MED4: variants seen among roughly 807,000 people sequenced by gnomAD.
The protein encoded by MED4 is mediator complex subunit 4.
Under a neutral mutation model 35.0 loss-of-function variants are expected in MED4, and 21 were observed. The observed-to-expected ratio is 0.60, with a 90% confidence interval of 0.43 to 0.86. The LOEUF (loss-of-function observed/expected upper bound fraction) is 0.86. MED4 is among the 40% of genes least tolerant of loss of function. The pLI, the probability that MED4 is intolerant of heterozygous loss-of-function variation, is 0.00. For synonymous variants in MED4, 138 were observed against 114.0 expected (o/e 1.21, Z -1.34); for missense variants, 300 against 319.4 (o/e 0.94, Z 0.46).
At chr13:48,092,155 T>A (rs1451277304) in intron 1 of MED4, among the ~76,000 whole-genome samples, 1 of 152,206 alleles carries the variant, frequency 6.6e-6, no homozygotes, top group Non-Finnish European at 1.5e-5. Context: ...TTGCCCAGGC[T>A]GGAGTGCAAT....
intron 1 of MED4, among the ~76,000 whole-genome samples, chr13:48,091,833 A>G (rs1950892242): frequency 6.6e-6 from 1 of 152,206 alleles, no homozygotes; most frequent in Non-Finnish European, 1.5e-5. Flanking sequence ...TGGGTTGGCT[A>G]CTTCAATAGG....
Position 48,090,423 on chromosome 13 carries a change from A to G in MED4, c.126-5T>C, listed in dbSNP as rs750992016. On this transcript the variant is annotated splice_polypyrimidine_tract_variant and splice_region_variant and intron_variant, in intron 1 of 6. Coordinates refer to ENST00000258648, the MANE Select transcript of MED4 (RefSeq NM_014166.4). ...GCCAGCATTTCTATAAGTTCCCTAA[A>G]AAAAAAAAACCAACAACAACAAAAA... 2 of 1,583,766 alleles carry G rather than the reference A, an allele frequency of 1.3e-6. No homozygotes were observed. Among genetic ancestry groups the G allele is most frequent in the African/African-American group, 1.4e-5 (1 of 72,768 alleles).
intron 1 of MED4, among the ~76,000 whole-genome samples, chr13:48,091,268 G>C (rs1950888089): frequency 6.6e-6 from 1 of 152,132 alleles, no homozygotes; most frequent in African/African-American, 2.4e-5. Context: ...CAATTTCCCT[G>C]TATGAAAATT....
intron 3 of MED4, among the ~76,000 whole-genome samples, chr13:48,085,309 T>C (rs1950841369): frequency 6.6e-6 from 1 of 151,858 alleles, no homozygotes; most frequent in Admixed American, 6.6e-5. Flanking sequence ...GTAGCTGGAA[T>C]TACAGGCACA....
In MED4 at chr13:48,079,932, A is replaced by G. The variant is rs1394778016; in HGVS notation, c.552T>C (p.Ser184=). 6.2e-7 allele frequency: 1 copy of G among 1,613,628 alleles called. No individual in the cohort carries two copies. The highest frequency in any genetic ancestry group is 2.2e-5 in the East Asian group (1 of 44,864). The change falls in exon 6 of 7, where the codon AGT becomes AGC. Residue 184 remains serine, a synonymous_variant. Transcript: ENST00000258648. The part of the protein sequence containing the change: ...RPYPTDLEMR[S]GLLGQMNNPS... ...GATTGTTCATCTGACCCAGTAACCC[A>G]CTTCTCATCTCTAAATCAGTTGGGT...
At chr13:48,084,053 G>A (rs988691450) in intron 3 of MED4, among the ~76,000 whole-genome samples, 5 of 152,040 alleles carry the variant, frequency 3.3e-5, no homozygotes, top group Admixed American at 2.6e-4. Context: ...TTGAGATCAG[G>A]AGTCTGAGAC....
At chr13:48,078,260 A>G (rs185660572) in intron 6 of MED4, among the ~76,000 whole-genome samples, 31 of 151,998 alleles carry the variant, frequency 2.0e-4, no homozygotes, top group Non-Finnish European at 3.8e-4. Context: ...CCTCAAATCT[A>G]CCCTTCTCTC....
intron 2 of MED4, among the ~76,000 whole-genome samples, chr13:48,086,916 G>A (rs1328404166): frequency 1.3e-5 from 2 of 151,802 alleles, no homozygotes; most frequent in African/African-American, 2.4e-5. Context: ...TGGGTGTGGT[G>A]GCGCCTAAAA....
intron 6 of MED4, 52 bp downstream of exon 6, chr13:48,079,792 C>T: frequency 6.3e-7 from 1 of 1,577,730 alleles, no homozygotes; most frequent in Non-Finnish European, 8.6e-7. Flanking sequence ...CCAACCTTGT[C>T]ATCTCTGGAA....
chr13:48,077,317 G>GA lies in MED4; in HGVS notation c.641-7dup, dbSNP rs542993874. ...ATACTGTGGAGCAAGGACATCTGGA[G>GA]AAAAAAAGAAGCATAGATAAGAACA... is the stretch of plus-strand genomic sequence containing the variant. On this transcript the variant is annotated splice_region_variant and splice_polypyrimidine_tract_variant and intron_variant, in intron 6 of 6. Coordinates refer to ENST00000258648, the MANE Select transcript of MED4 (RefSeq NM_014166.4). The GA allele has an allele frequency of 1.1e-4, 155 of 1,457,880 alleles. 3 individuals carry two copies. In the South Asian group the frequency reaches 2.2e-3, roughly 21 times the overall value. 90.3% of individuals were successfully genotyped at this position (1,457,880 alleles called of 1,614,324 possible).
intron 2 of MED4, among the ~76,000 whole-genome samples, chr13:48,087,411 G>A (rs1164775488): frequency 6.6e-6 from 1 of 151,994 alleles, no homozygotes; most frequent in East Asian, 1.9e-4. Flanking sequence ...CCCAAAATTT[G>A]GTATTTGAGA....
chr13:48,086,227 A>G (rs1404266464), intron 3 of MED4, 55 bp downstream of exon 3: 12 of 1,521,900 alleles, frequency 7.9e-6, no homozygotes, highest in East Asian at 2.3e-5. Context: ...GATTTTTCAG[A>G]AACAGATTAA....
Position 48,083,390 on chromosome 13 carries a change from T to G in MED4, c.402A>C (p.Ser134=). The change falls in exon 4 of 7, where the codon TCA becomes TCC. Residue 134 remains serine, a synonymous_variant. Coordinates refer to ENST00000258648, the MANE Select transcript of MED4 (RefSeq NM_014166.4). ...AVYQAKEKLK[S]IEKARKGAIS... is the part of the protein sequence containing the mutation. ...ACTAACCTTTTCTTGCTTTTTCTAT[T>G]GACTTGAGTTTCTCCTTCGCTTGGT... 1 of 1,613,182 alleles carries G rather than the reference T, an allele frequency of 6.2e-7. No individual in the cohort carries two copies.
intron 6 of MED4, among the ~76,000 whole-genome samples, chr13:48,079,001 T>A (rs1337865548): frequency 1.3e-5 from 2 of 152,134 alleles, no homozygotes; most frequent in African/African-American, 4.8e-5. Context: ...ACTTCCCAAA[T>A]GTTCTACCAC....
chr13:48,086,494 A>G lies in MED4; in HGVS notation c.193-42T>C. 5 of 1,561,118 alleles carry G rather than the reference A, an allele frequency of 3.2e-6. No homozygotes were observed. The South Asian group carries it at 5.7e-5, about 18-fold the overall frequency. On this transcript the variant is annotated intron_variant, in intron 2 of 6. Coordinates refer to ENST00000258648, the MANE Select transcript of MED4 (RefSeq NM_014166.4). ...AATTAAATCAGACAATAGACTACTG[A>G]AAGGCTGCATTCCAATGAAACAAAG... is the stretch of plus-strand genomic sequence containing the variant.
chr13:48,077,427 C>CT lies in MED4; in HGVS notation c.641-117dup, dbSNP rs1566116345. ...TTTTTTAATTTTACTTTTTTCTCTT[C>CT]TTTTTTTGACACAGGGTCTCATTCT... On this transcript the variant is annotated intron_variant, in intron 6 of 6. Coordinates refer to ENST00000258648, the MANE Select transcript of MED4 (RefSeq NM_014166.4). 7 of 898,032 alleles carry CT rather than the reference C, an allele frequency of 7.8e-6. No individual in the cohort carries two copies. The South Asian group carries it at 1.4e-4, about 18-fold the overall frequency. 55.6% of individuals were successfully genotyped at this position (898,032 alleles called of 1,614,324 possible).
At chr13:48,088,591 G>C (rs1950869372) in intron 2 of MED4, among the ~76,000 whole-genome samples, 1 of 152,092 alleles carries the variant, frequency 6.6e-6, no homozygotes, top group South Asian at 2.1e-4. Context: ...CTTTCAAGAA[G>C]TTTACACAGG....
In MED4 at chr13:48,076,506, TA is replaced by T. The variant is rs1481451160; in HGVS notation, c.*632del. ...AATTCAGTTAGTCACTCAAGTATTA[TA>T]AAATGCAACTGGATTTACAGAAATA... is the stretch of plus-strand genomic sequence containing the variant. On this transcript the variant is annotated 3_prime_UTR_variant, in exon 7 of 7. Transcript: ENST00000258648. 6.6e-6 allele frequency: 1 copy of T among 152,148 alleles called. No homozygotes were observed. The highest frequency in any genetic ancestry group is 1.9e-4 in the East Asian group (1 of 5,196). 9.4% of individuals were successfully genotyped at this position (152,148 alleles called of 1,614,324 possible).
chr13:48,080,155 A>C (rs758199028), intron 5 of MED4, among the ~76,000 whole-genome samples, 180 bp from the exon 6 acceptor site: 1 of 152,096 alleles, frequency 6.6e-6, no homozygotes, highest in Non-Finnish European at 1.5e-5. Context: ...CCAGCACTTT[A>C]GGAGGACGAG....
Sources: gnomAD v4.1 joint callset for allele counts (sites outside exome capture counted in the v4.1 genomes callset) on GRCh38, gnomAD v4.1.1 for gene constraint, MANE v1.5 for transcripts, NCBI Gene and HGNC (gene_info 2026-07-23, HGNC 2026-07-21) for gene names.